The following ARL3 variants were observed in gnomAD, a reference collection of about 807,000 sequenced individuals.
ARL3 encodes the protein ARF like GTPase 3, also known as ADP-ribosylation factor-like protein 3.
Under a neutral mutation model 26.0 loss-of-function variants are expected in ARL3, and 9 were observed. The observed-to-expected ratio is 0.35, with a 90% CI of 0.21 to 0.60. ARL3 has a LOEUF of 0.60. Ranked by LOEUF, ARL3 falls within the 20% of genes least tolerant of loss-of-function variation. The pLI is 0.78. For synonymous variants in ARL3, 71 were observed against 78.4 expected, an observed-to-expected ratio of 0.91 and a Z score of 0.50; for missense variants, 158 against 215.7, an observed-to-expected ratio of 0.73 and a Z score of 1.67.
At chr10:102,712,096 T>C (rs2064344908) in intron 1 of ARL3, among the ~76,000 whole-genome samples, 1 of 152,230 alleles carries the variant, frequency 6.6e-6, no homozygotes, top group Admixed American at 6.5e-5. Flanking sequence ...ACTGTCATTT[T>C]AGTATTTTAG....
chr10:102,683,456 C>T (rs1036703612), intron 5 of ARL3, among the ~76,000 whole-genome samples: 1 of 152,188 alleles, frequency 6.6e-6, no homozygotes, highest in Admixed American at 6.5e-5. Context: ...ATCTACTAAA[C>T]TAATTAAGTG....
intron 1 of ARL3, among the ~76,000 whole-genome samples, chr10:102,706,617 G>A (rs2064312414): frequency 6.6e-6 from 1 of 151,862 alleles, no homozygotes; most frequent in Non-Finnish European, 1.5e-5. Flanking sequence ...ATCATAAAAG[G>A]CATCCATGAA....
intron 4 of ARL3, among the ~76,000 whole-genome samples, chr10:102,688,734 T>C (rs2064200885): frequency 6.6e-6 from 1 of 152,060 alleles, no homozygotes; most frequent in Non-Finnish European, 1.5e-5. Flanking sequence ...ATCTCCTGAC[T>C]GCAAGTGATC....
chr10:102,677,038 C>T, intron 5 of ARL3, 97 bp from the exon 6 acceptor site: 4 of 1,353,000 alleles, frequency 3.0e-6, no homozygotes, highest in South Asian at 1.2e-5. Context: ...CCCAGGCCCT[C>T]CCTCCCAGAC....
chr10:102,706,223 G>A (rs2064310647), intron 1 of ARL3, among the ~76,000 whole-genome samples: 1 of 152,096 alleles, frequency 6.6e-6, no homozygotes, highest in Admixed American at 6.5e-5. Context: ...AGGCCAAGGT[G>A]GGCGGATCAC....
At chr10:102,703,280 T>C (rs902163174) in intron 2 of ARL3, among the ~76,000 whole-genome samples, 2 of 150,308 alleles carry the variant, frequency 1.3e-5, no homozygotes, top group Non-Finnish European at 3.0e-5. Context: ...CACCACCACA[T>C]CCAGCTAATT....
chr10:102,689,719 T>G (rs1426509726), intron 4 of ARL3, among the ~76,000 whole-genome samples, 174 bp downstream of exon 4: 1 of 151,576 alleles, frequency 6.6e-6, no homozygotes, highest in African/African-American at 2.4e-5. Flanking sequence ...TTCCAGCTAC[T>G]CGGGAGGCTG....
chr10:102,699,049 G>A (rs574773365), intron 3 of ARL3, among the ~76,000 whole-genome samples: 27 of 152,192 alleles, frequency 1.8e-4, no homozygotes, highest in African/African-American at 6.0e-4. Context: ...CACTTGATTC[G>A]TTGTCTTCCT....
At chr10:102,712,645 G>A (rs993612843) in intron 1 of ARL3, among the ~76,000 whole-genome samples, 2 of 152,120 alleles carry the variant, frequency 1.3e-5, no homozygotes, top group African/African-American at 4.8e-5. Context: ...AACAATCATG[G>A]ATTACACAGT....
At chr10:102,706,535 C>A (rs1275391773) in intron 1 of ARL3, among the ~76,000 whole-genome samples, 1 of 152,146 alleles carries the variant, frequency 6.6e-6, no homozygotes, top group Non-Finnish European at 1.5e-5. Context: ...CAAGACCCTA[C>A]AGGATAGGTG....
At chr10:102,714,177 C>G (rs1475440318) in intron 1 of ARL3, 96 bp downstream of exon 1, 1 of 1,278,164 alleles carries the variant, frequency 7.8e-7, no homozygotes, top group African/African-American at 1.5e-5. Context: ...ACGTCCCATT[C>G]CCTCCTTGGC....
intron 5 of ARL3, among the ~76,000 whole-genome samples, chr10:102,681,624 G>C (rs1383506167): frequency 1.3e-5 from 2 of 152,052 alleles, no homozygotes; most frequent in African/African-American, 2.4e-5. Flanking sequence ...AGGAGGAGGA[G>C]AGGAACGTGG....
chr10:102,702,460 T>G (rs866000536), intron 2 of ARL3, among the ~76,000 whole-genome samples: 5 of 152,248 alleles, frequency 3.3e-5, no homozygotes, highest in Non-Finnish European at 4.4e-5. Context: ...AAGTTTGTTT[T>G]TAAAGAATAT....
intron 3 of ARL3, among the ~76,000 whole-genome samples, chr10:102,696,642 T>C (rs1434450468): frequency 6.6e-6 from 1 of 152,146 alleles, no homozygotes; most frequent in Non-Finnish European, 1.5e-5. Flanking sequence ...TAAATAAAAA[T>C]ACGTCTGATG....
intron 2 of ARL3, among the ~76,000 whole-genome samples, chr10:102,703,371 C>T (rs563822827): frequency 9.4e-5 from 14 of 149,450 alleles, no homozygotes; most frequent in Admixed American, 4.0e-4. Flanking sequence ...CCACCCACCT[C>T]GGCCTCCCAA....
intron 5 of ARL3, among the ~76,000 whole-genome samples, chr10:102,677,274 G>A (rs2064135178): frequency 1.3e-5 from 2 of 152,198 alleles, no homozygotes; most frequent in Admixed American, 1.3e-4. Flanking sequence ...AAAGATTCCA[G>A]CCATTTTTGG....
intron 2 of ARL3, among the ~76,000 whole-genome samples, chr10:102,699,692 G>A (rs2064268700): frequency 6.6e-6 from 1 of 152,178 alleles, no homozygotes; most frequent in Non-Finnish European, 1.5e-5. Context: ...TGGAGTCAGT[G>A]TTAATAATGT....
chr10:102,686,126 C>T, intron 4 of ARL3, 125 bp from the exon 5 acceptor site: 1 of 786,146 alleles, frequency 1.3e-6, no homozygotes, highest in Non-Finnish European at 2.0e-6. Context: ...GGCTGGAGTG[C>T]AATGGCGTGA....
chr10:102,678,529 C>T (rs531773022), intron 5 of ARL3, among the ~76,000 whole-genome samples: 2 of 152,266 alleles, frequency 1.3e-5, no homozygotes, highest in South Asian at 4.1e-4. Context: ...ACTTACATAG[C>T]ACTTTCCACC....
Sources: gnomAD v4.1 joint callset for allele counts (sites outside exome capture counted in the v4.1 genomes callset) on GRCh38, gnomAD v4.1.1 for gene constraint, MANE v1.5 for transcripts, NCBI Gene and HGNC (gene_info 2026-07-23, HGNC 2026-07-21) for gene names.